The following ABCA13 variants were observed in gnomAD, a reference collection of about 807,000 sequenced individuals.
ABCA13 encodes the protein ATP binding cassette subfamily A member 13, also known as ATP-binding cassette sub-family A member 13.
ABCA13 carries 476 observed loss-of-function variants against 478.7 expected under a neutral mutation model. The ratio of observed to expected loss-of-function variants is 0.99; its 90% confidence interval spans 0.92 to 1.07. The LOEUF is 1.07. Ranked by LOEUF, ABCA13 falls within the 50% of genes least tolerant of loss-of-function variation. ABCA13 has a pLI of 0.00. For synonymous variants in ABCA13, 2,252 were observed against 2,158.9 expected (o/e 1.04, Z -1.20); for missense variants, 6,060 against 5,910.6 (o/e 1.03, Z -0.83).
chr7:48,390,319 A>G (rs1484339268), intron 37 of ABCA13, among the ~76,000 whole-genome samples: 3 of 152,218 alleles, frequency 2.0e-5, no homozygotes, highest in Non-Finnish European at 4.4e-5. Flanking sequence ...CCACCTGGCA[A>G]TTCTTAGATG....
chr7:48,527,275 T>C (rs978229445), intron 54 of ABCA13, among the ~76,000 whole-genome samples: 2 of 151,948 alleles, frequency 1.3e-5, no homozygotes. Context: ...GAAAACATGG[T>C]AATTGAAGCA....
intron 55 of ABCA13, among the ~76,000 whole-genome samples, chr7:48,573,673 G>T (rs1787894911): frequency 6.6e-6 from 1 of 152,136 alleles, no homozygotes; most frequent in Non-Finnish European, 1.5e-5. Context: ...GTTCGAGGCT[G>T]CAGTAAGCTA....
chr7:48,353,433 A>G (rs1485342295), intron 31 of ABCA13, among the ~76,000 whole-genome samples: 3 of 151,682 alleles, frequency 2.0e-5, no homozygotes, highest in Non-Finnish European at 2.9e-5. Flanking sequence ...AAGTGGCTGA[A>G]CATGAGGCTA....
intron 31 of ABCA13, among the ~76,000 whole-genome samples, chr7:48,353,536 C>T (rs1013504571): frequency 6.6e-6 from 1 of 151,222 alleles, no homozygotes; most frequent in Non-Finnish European, 1.5e-5. Context: ...ACTCATGGCA[C>T]CTCCCACCCC....
In ABCA13 at chr7:48,245,919, T is replaced by G; in HGVS notation, c.1548T>G (p.Phe516Leu). ...GTCGTTTCTCTGAGAAGGAGGTCTT[T>G]TTGCCGCCTGGAAACTCCAGCATAT... is the stretch of plus-strand genomic sequence containing the variant. ...PNGRFSEKEVFLPPGNSSIWG... is the reference protein window; with the variant it reads ...PNGRFSEKEVLLPPGNSSIWG... The change falls in exon 13 of 62, where the codon TTT (phenylalanine) becomes TTG (leucine). Residue 516 changes from phenylalanine (F) to leucine (L), a missense_variant. Physicochemically the swap from Phe to Leu is conservative, Grantham distance 22. Coordinates refer to ENST00000435803, the MANE Select transcript of ABCA13 (RefSeq NM_152701.5). 6.2e-7 allele frequency: 1 copy of G among 1,613,780 alleles called. No homozygotes were observed.
At chr7:48,350,917 A>G in intron 30 of ABCA13, 98 bp downstream of exon 30, 1 of 1,238,760 alleles carries the variant, frequency 8.1e-7, no homozygotes. Context: ...GATAGCTCAG[A>G]AAGAAAAGAA....
chr7:48,613,000 G>T (rs1258911202), intron 58 of ABCA13, among the ~76,000 whole-genome samples: 2 of 151,928 alleles, frequency 1.3e-5, no homozygotes, highest in African/African-American at 4.8e-5. Context: ...AAATCAATTT[G>T]ATTTAATGGT....
At chr7:48,176,680 G>A (rs185197511) in intron 1 of ABCA13, among the ~76,000 whole-genome samples, 5 of 152,236 alleles carry the variant, frequency 3.3e-5, no homozygotes, top group Non-Finnish European at 5.9e-5. Flanking sequence ...AAAGACCTGA[G>A]TCAGCTCACC....
chr7:48,282,593 C>T (rs998605790), intron 19 of ABCA13, among the ~76,000 whole-genome samples: 3 of 152,160 alleles, frequency 2.0e-5, no homozygotes, highest in East Asian at 1.9e-4. Context: ...ATCCTGGCCC[C>T]GGACTCCCTG....
At chr7:48,626,682 A>G (rs1378723875) in intron 59 of ABCA13, 2 of 985,408 alleles carry the variant, frequency 2.0e-6, no homozygotes. Context: ...ACGCTGAAGA[A>G]CACGATAATA....
intron 23 of ABCA13, among the ~76,000 whole-genome samples, chr7:48,306,272 C>T (rs1422658565): frequency 1.3e-5 from 2 of 152,064 alleles, no homozygotes; most frequent in Non-Finnish European, 2.9e-5. Flanking sequence ...ATTTTTTGTC[C>T]TGGGACTAGA....
intron 15 of ABCA13, among the ~76,000 whole-genome samples, chr7:48,268,417 C>G (rs1194756210): frequency 6.6e-6 from 1 of 152,142 alleles, no homozygotes; most frequent in African/African-American, 2.4e-5. Flanking sequence ...CCTCGGCCTC[C>G]CAAAGTGCTG....
chr7:48,396,898 G>A (rs2163935), intron 38 of ABCA13, among the ~76,000 whole-genome samples: 132,193 of 152,180 alleles, frequency 0.87, 57,684 homozygotes, highest in African/African-American at 0.96. Context: ...AGTAAGGTCA[G>A]ATTGCAAACA....
intron 42 of ABCA13, among the ~76,000 whole-genome samples, chr7:48,429,074 T>C (rs1339300353): frequency 1.3e-5 from 2 of 152,350 alleles, no homozygotes; most frequent in Non-Finnish European, 1.5e-5. Context: ...CTTCTTTCAC[T>C]CAGCACAATG....
At chr7:48,610,593 C>G (rs1000366024) in intron 58 of ABCA13, among the ~76,000 whole-genome samples, 1 of 152,202 alleles carries the variant, frequency 6.6e-6, no homozygotes, top group Non-Finnish European at 1.5e-5. Context: ...CTACACTGCC[C>G]TAGTAGAGGT....
chr7:48,177,421 G>A (rs1161601682), intron 1 of ABCA13, among the ~76,000 whole-genome samples: 1 of 152,196 alleles, frequency 6.6e-6, no homozygotes, highest in Non-Finnish European at 1.5e-5. Flanking sequence ...GGGCTGGGGT[G>A]CTGCTGAGCA....
intron 16 of ABCA13, among the ~76,000 whole-genome samples, 180 bp from the exon 17 acceptor site, chr7:48,271,607 A>G (rs1407542275): frequency 2.0e-5 from 3 of 152,132 alleles, no homozygotes; most frequent in Non-Finnish European, 4.4e-5. Flanking sequence ...ATATAACTTC[A>G]TTGTGCATTT....
rs376331882 is a variant in ABCA13, at chr7:48,352,338, A to G, written c.10539A>G (p.Leu3513=). Residue 3513 remains leucine, a synonymous_variant, in exon 31 of 62, where the codon CTA becomes CTG. Coordinates refer to ENST00000435803, the MANE Select transcript of ABCA13 (RefSeq NM_152701.5). ...NPSWKFHPQN[L]PADGFKYNYV... The stretch of plus-strand genomic sequence containing the variant: ...CTTGGAAGTTCCACCCTCAGAATCT[A>G]CCAGCTGATGGGTTCAAATATAACT... 38 of 1,613,684 alleles carry G rather than the reference A, an allele frequency of 2.4e-5. 1 individual carries two copies. The African/African-American group carries it at 4.8e-4, about 20-fold the overall frequency.
chr7:48,455,822 G>T (rs1297958706), intron 43 of ABCA13, among the ~76,000 whole-genome samples: 1 of 152,216 alleles, frequency 6.6e-6, no homozygotes, highest in Non-Finnish European at 1.5e-5. Context: ...TTGCCGGTGC[G>T]TTCAGAAGAG....
Sources: gnomAD v4.1 joint callset for allele counts (sites outside exome capture counted in the v4.1 genomes callset) on GRCh38, gnomAD v4.1.1 for gene constraint, MANE v1.5 for transcripts, NCBI Gene and HGNC (gene_info 2026-07-23, HGNC 2026-07-21) for gene names.